The following RBPMS variants were observed in gnomAD, a reference collection of about 807,000 sequenced individuals.
The protein encoded by RBPMS is RNA binding protein, mRNA processing factor, also known as RNA-binding protein with multiple splicing.
RBPMS carries 7 observed loss-of-function variants against 26.8 expected under a neutral mutation model. The ratio of observed to expected loss-of-function variants is 0.26; its 90% confidence interval spans 0.15 to 0.49. RBPMS has a LOEUF of 0.49. RBPMS is among the 20% of genes least tolerant of loss of function. RBPMS has a pLI of 0.98. For missense variants in RBPMS, 186 were observed against 250.0 expected (o/e 0.74, Z 1.73); for synonymous variants, 96 against 93.3 (o/e 1.03, Z -0.17).
chr8:30,391,829 T>A lies in RBPMS; in HGVS notation c.66+6671T>A, dbSNP rs1422839234. Reference sequence around the variant, plus strand: ...CTGCTTGGCTTGTCAGTGTTGCTGATAGCAGGAAAAAGGAAATACTGAAAT... The same window carrying A: ...CTGCTTGGCTTGTCAGTGTTGCTGAAAGCAGGAAAAAGGAAATACTGAAAT... On this transcript the variant is annotated intron_variant, in intron 1 of 8. Transcript: ENST00000397323. 2.6e-5 allele frequency among the ~76,000 whole-genome samples: 4 copies of A among 152,194 alleles called. 1 individual carries two copies. The highest frequency in any genetic ancestry group is 2.6e-4 in the Admixed American group (4 of 15,274).
At chr8:30,509,636 A>T (rs1358892346) in intron 5 of RBPMS, among the ~76,000 whole-genome samples, 1 of 152,234 alleles carries the variant, frequency 6.6e-6, no homozygotes, top group Admixed American at 6.5e-5. Flanking sequence ...CCAAGGCAGC[A>T]GTGCATGGCA....
intron 4 of RBPMS, 34 bp downstream of exon 4, chr8:30,479,411 C>T: frequency 5.5e-6 from 8 of 1,456,880 alleles, no homozygotes; most frequent in Non-Finnish European, 7.7e-6. Context: ...AGGGGGTTTC[C>T]ATATGAGGTG....
chr8:30,557,565 AC>A (rs1015903411), intron 6 of RBPMS, among the ~76,000 whole-genome samples: 13 of 151,680 alleles, frequency 8.6e-5, no homozygotes, highest in Admixed American at 7.9e-4. Context: ...TGCCTCCCAG[AC>A]CCCCCTGCAC....
At chr8:30,420,914 T>C (rs1463331362) in intron 1 of RBPMS, among the ~76,000 whole-genome samples, 1 of 152,188 alleles carries the variant, frequency 6.6e-6, no homozygotes, top group Non-Finnish European at 1.5e-5. Flanking sequence ...TAGTTAGGAA[T>C]GGTTTAGAAA....
At chr8:30,410,555 G>GGT (rs201695688) in intron 1 of RBPMS, among the ~76,000 whole-genome samples, 13,462 of 151,078 alleles carry the variant, frequency 0.089, 803 homozygotes, top group Non-Finnish European at 0.14. Flanking sequence ...TATATATATA[G>GGT]GTGTGTGTGT....
intron 1 of RBPMS, among the ~76,000 whole-genome samples, chr8:30,441,302 G>A (rs1250893567): frequency 6.6e-6 from 1 of 152,106 alleles, no homozygotes; most frequent in Non-Finnish European, 1.5e-5. Context: ...CTTACAGCGG[G>A]TCTGGTGCAG....
At chr8:30,515,677 T>C (rs1822232449) in intron 5 of RBPMS, among the ~76,000 whole-genome samples, 1 of 152,110 alleles carries the variant, frequency 6.6e-6, no homozygotes, top group African/African-American at 2.4e-5. Flanking sequence ...TTTTAAGAGA[T>C]GGGGGTCTTA....
intron 2 of RBPMS, among the ~76,000 whole-genome samples, chr8:30,476,825 G>A (rs1817750411): frequency 6.6e-6 from 1 of 152,116 alleles, no homozygotes; most frequent in East Asian, 1.9e-4. Context: ...TCCTTATCTT[G>A]AGGAGCCGGG....
intron 1 of RBPMS, among the ~76,000 whole-genome samples, chr8:30,469,541 A>G (rs1816863416): frequency 6.6e-6 from 1 of 152,274 alleles, no homozygotes; most frequent in African/African-American, 2.4e-5. Flanking sequence ...GTACATCTAC[A>G]AATCTTTTTG....
intron 5 of RBPMS, among the ~76,000 whole-genome samples, chr8:30,536,731 A>T (rs1425318683): frequency 6.6e-6 from 1 of 152,190 alleles, no homozygotes; most frequent in African/African-American, 2.4e-5. Flanking sequence ...TGTTAGAAGA[A>T]ATTTATTTTC....
chr8:30,483,941 C>G (rs551000324), intron 4 of RBPMS, among the ~76,000 whole-genome samples: 4 of 152,232 alleles, frequency 2.6e-5, no homozygotes, highest in Non-Finnish European at 5.9e-5. Flanking sequence ...CTTTTTATAG[C>G]TAAATAAAAT....
intron 1 of RBPMS, among the ~76,000 whole-genome samples, chr8:30,433,787 T>C (rs1449723610): frequency 6.6e-6 from 1 of 152,218 alleles, no homozygotes; most frequent in Admixed American, 6.5e-5. Flanking sequence ...ATTCATGATA[T>C]TGTAGCTGTT....
At chr8:30,460,915 G>C (rs1294291819) in intron 1 of RBPMS, among the ~76,000 whole-genome samples, 5 of 152,064 alleles carry the variant, frequency 3.3e-5, no homozygotes, top group Non-Finnish European at 7.4e-5. Context: ...GCCAGGCATG[G>C]TGGCATATAC....
rs531789222 is a variant in RBPMS at position 30,527,190 on chromosome 8, G to A, written c.398-17304G>A. On this transcript the variant is annotated intron_variant, in intron 5 of 8. Transcript: ENST00000397323. ...AATCACTTTCTGGCAAAACCTTGAA[G>A]TGAGTTACTGTAAACCCTCAGACAC... Among the ~76,000 whole-genome samples the A allele has an allele frequency of 5.3e-5, 8 of 152,308 alleles. 1 individual carries two copies. In the East Asian group the frequency reaches 1.5e-3, roughly 29 times the overall value.
intron 4 of RBPMS, among the ~76,000 whole-genome samples, chr8:30,480,507 C>T (rs1246764287): frequency 1.3e-5 from 2 of 152,144 alleles, no homozygotes; most frequent in African/African-American, 4.8e-5. Context: ...CACCTTAATT[C>T]TTGTTGGTTT....
chr8:30,553,607 A>G (rs1027869120), intron 6 of RBPMS: 2 of 152,228 alleles, frequency 1.3e-5, no homozygotes, highest in Non-Finnish European at 2.9e-5. Context: ...GGTTCCCTGC[A>G]GTTGCTCAGT....
At chr8:30,501,896 T>C (rs1159713888) in intron 4 of RBPMS, among the ~76,000 whole-genome samples, 3 of 152,194 alleles carry the variant, frequency 2.0e-5, no homozygotes, top group Non-Finnish European at 4.4e-5. Flanking sequence ...TCTTTTTCTT[T>C]TTTCCCTCTT....
chr8:30,535,722 GT>G (rs1329161686), intron 5 of RBPMS, among the ~76,000 whole-genome samples: 7 of 152,160 alleles, frequency 4.6e-5, no homozygotes, highest in African/African-American at 1.7e-4. Flanking sequence ...GCCCTGTTCT[GT>G]TTTTAAGGAT....
At chr8:30,567,699 G>T (rs1827996532) in intron 8 of RBPMS, among the ~76,000 whole-genome samples, 1 of 152,238 alleles carries the variant, frequency 6.6e-6, no homozygotes, top group African/African-American at 2.4e-5. Context: ...AGTTTTCCTG[G>T]TAGGCCACGG....
Sources: gnomAD v4.1 joint callset for allele counts (sites outside exome capture counted in the v4.1 genomes callset) on GRCh38, gnomAD v4.1.1 for gene constraint, MANE v1.5 for transcripts, NCBI Gene and HGNC (gene_info 2026-07-23, HGNC 2026-07-21) for gene names.